The following TLL1 variants were observed in gnomAD, a reference collection of about 807,000 sequenced individuals.
TLL1 encodes the protein tolloid like 1.
A neutral mutation model predicts 128.2 loss-of-function variants in TLL1; 49 were observed. That is an observed-to-expected ratio of 0.38 (90% confidence interval 0.30 to 0.48). TLL1 has a LOEUF of 0.48. TLL1 is among the 20% of genes least tolerant of loss of function. TLL1 has a pLI of 0.96. For missense variants in TLL1, 1,123 were observed against 1,242.0 expected (o/e 0.90, Z 1.44); for synonymous variants, 454 against 418.8 (o/e 1.08, Z -1.03).
intron 18 of TLL1, among the ~76,000 whole-genome samples, chr4:166,088,902 A>G (rs1741640651): frequency 6.6e-6 from 1 of 152,084 alleles, no homozygotes; most frequent in African/African-American, 2.4e-5. Context: ...ATAGTCACCT[A>G]TTTATCTCAT....
At chr4:165,876,191 C>T (rs958137280) in intron 1 of TLL1, among the ~76,000 whole-genome samples, 5 of 152,080 alleles carry the variant, frequency 3.3e-5, no homozygotes, top group African/African-American at 1.2e-4. Context: ...AATTATCTAC[C>T]CTGCTTTTGA....
chr4:166,073,403 A>C (rs1467298187), intron 16 of TLL1, among the ~76,000 whole-genome samples: 1 of 152,186 alleles, frequency 6.6e-6, no homozygotes, highest in Non-Finnish European at 1.5e-5. Context: ...AATTAATTTT[A>C]CAAATCTAAT....
At chr4:165,892,950 C>T (rs1731491617) in intron 1 of TLL1, among the ~76,000 whole-genome samples, 1 of 152,102 alleles carries the variant, frequency 6.6e-6, no homozygotes, top group Non-Finnish European at 1.5e-5. Context: ...CCCTCAATGC[C>T]ATTTTTTGAT....
chr4:166,054,997 C>T, intron 12 of TLL1, 79 bp from the exon 13 acceptor site: 1 of 1,154,832 alleles, frequency 8.7e-7, no homozygotes, highest in Non-Finnish European at 1.2e-6. Context: ...AGAAGTATGG[C>T]ACTGAGAAGA....
chr4:166,053,938 A>G (rs1245090428), intron 12 of TLL1, among the ~76,000 whole-genome samples: 1 of 152,200 alleles, frequency 6.6e-6, no homozygotes, highest in African/African-American at 2.4e-5. Context: ...AATTTTACAT[A>G]AAAATTGTCT....
chr4:166,057,284 G>T lies in TLL1; in HGVS notation c.1821G>T (p.Leu607=). 6.2e-7 allele frequency: 1 copy of T among 1,613,834 alleles called. No individual in the cohort carries two copies. Among genetic ancestry groups the T allele is most frequent in the Non-Finnish European group, 8.5e-7 (1 of 1,179,934 alleles). The change falls in exon 14 of 21, where the codon CTG becomes CTT. Residue 607 remains leucine (L), a synonymous_variant. Transcript: ENST00000061240. ...YQCACEPGYE[L]GPDRRSCEAA... is the part of the protein sequence containing the mutation. ...GTGCCTGTGAGCCTGGCTATGAGCT[G>T]GGCCCAGACAGAAGGAGCTGTGAAG...
intron 1 of TLL1, among the ~76,000 whole-genome samples, chr4:165,965,252 G>T (rs556451769): frequency 1.1e-4 from 16 of 152,158 alleles, no homozygotes; most frequent in African/African-American, 3.6e-4. Context: ...GATAATTTTT[G>T]ATGAGGTTAT....
intron 1 of TLL1, among the ~76,000 whole-genome samples, chr4:165,942,510 T>C (rs1734064174): frequency 6.6e-6 from 1 of 151,890 alleles, no homozygotes; most frequent in Non-Finnish European, 1.5e-5. Flanking sequence ...TGTATTTGTA[T>C]CACCAGAACG....
At chr4:165,933,882 T>C (rs974039456) in intron 1 of TLL1, among the ~76,000 whole-genome samples, 7 of 152,218 alleles carry the variant, frequency 4.6e-5, no homozygotes, top group African/African-American at 1.7e-4. Flanking sequence ...CACATTTGAA[T>C]GAGTCCTCTG....
chr4:166,077,849 C>T, intron 17 of TLL1, 54 bp from the exon 18 acceptor site: 1 of 1,609,808 alleles, frequency 6.2e-7, no homozygotes, highest in South Asian at 1.1e-5. Context: ...TTGCTTTCTG[C>T]CTCAAACCTG....
At chr4:166,003,320 A>C (rs1363179054) in intron 5 of TLL1, 71 bp from the exon 6 acceptor site, 1 of 1,539,262 alleles carries the variant, frequency 6.5e-7, no homozygotes, top group African/African-American at 1.4e-5. Flanking sequence ...TTCTTTACAA[A>C]AAATTCACCA....
At chr4:165,911,151 G>A (rs890241509) in intron 1 of TLL1, among the ~76,000 whole-genome samples, 1 of 152,074 alleles carries the variant, frequency 6.6e-6, no homozygotes, top group Non-Finnish European at 1.5e-5. Flanking sequence ...ATCTAACTGT[G>A]TTTTGTTGCC....
chr4:166,008,923 G>GT (rs1236931045), intron 7 of TLL1, among the ~76,000 whole-genome samples: 2 of 151,122 alleles, frequency 1.3e-5, no homozygotes, highest in African/African-American at 4.8e-5. Context: ...AACTTTCTTG[G>GT]TAAAAAGTAG....
rs764261477 is a variant in TLL1, at chr4:165,995,046, A to G, written c.515-15A>G. On this transcript the variant is annotated splice_polypyrimidine_tract_variant and intron_variant, in intron 4 of 20. Coordinates refer to ENST00000061240, the MANE Select transcript of TLL1 (RefSeq NM_012464.5). Reference sequence around the variant, plus strand: ...GGGATGCCACCTTTTCATTAACATCACACATTTTTTCTAGGCAGCCAGAGA... The same window carrying G: ...GGGATGCCACCTTTTCATTAACATCGCACATTTTTTCTAGGCAGCCAGAGA... 2 of 1,608,184 alleles carry G rather than the reference A, an allele frequency of 1.2e-6. No individual in the cohort carries two copies. Among genetic ancestry groups the G allele is most frequent in the Admixed American group, 3.3e-5 (2 of 59,978 alleles).
At chr4:166,051,289 C>A (rs1311536095) in intron 12 of TLL1, among the ~76,000 whole-genome samples, 1 of 77,648 alleles carries the variant, frequency 1.3e-5, no homozygotes, top group Non-Finnish European at 2.6e-5. Flanking sequence ...CTTCTTTCTT[C>A]CCTCCCTCCT....
At chr4:166,034,936 G>T (rs1391274971) in intron 9 of TLL1, among the ~76,000 whole-genome samples, 1 of 152,176 alleles carries the variant, frequency 6.6e-6, no homozygotes, top group East Asian at 1.9e-4. Flanking sequence ...TGGCTGAAGG[G>T]TTGGAAGGGA....
chr4:165,960,802 A>G (rs1735060492), intron 1 of TLL1, among the ~76,000 whole-genome samples: 1 of 152,116 alleles, frequency 6.6e-6, no homozygotes, highest in Non-Finnish European at 1.5e-5. Flanking sequence ...CATCGAAGAA[A>G]CATGTCTCAG....
At chr4:165,876,889 T>G (rs1223598751) in intron 1 of TLL1, among the ~76,000 whole-genome samples, 1 of 152,184 alleles carries the variant, frequency 6.6e-6, no homozygotes, top group African/African-American at 2.4e-5. Context: ...GAAGCGAAGA[T>G]CATAGCTTCA....
At chr4:165,933,484 C>T (rs1273640646) in intron 1 of TLL1, among the ~76,000 whole-genome samples, 2 of 152,170 alleles carry the variant, frequency 1.3e-5, no homozygotes, top group Non-Finnish European at 2.9e-5. Flanking sequence ...GGTCTGCAGT[C>T]CATTCCATCC....
Sources: gnomAD v4.1 joint callset for allele counts (sites outside exome capture counted in the v4.1 genomes callset) on GRCh38, gnomAD v4.1.1 for gene constraint, MANE v1.5 for transcripts, NCBI Gene and HGNC (gene_info 2026-07-23, HGNC 2026-07-21) for gene names.